The following LTN1 variants were observed in gnomAD, a reference collection of about 807,000 sequenced individuals.
LTN1 encodes listerin E3 ubiquitin protein ligase 1.
In LTN1, 88 loss-of-function variants were observed where a neutral mutation model predicts 201.2. The ratio of observed to expected loss-of-function variants is 0.44; its 90% CI spans 0.37 to 0.52. The LOEUF is 0.52. Among genes scored for constraint, LTN1 ranks in the 20% least tolerant of loss-of-function variants. The pLI, the probability that LTN1 is intolerant of heterozygous loss-of-function variation, is 0.00. For missense variants in LTN1, 1,752 were observed against 2,038.7 expected (o/e 0.86, Z 2.71); for synonymous variants, 645 against 713.5 (o/e 0.90, Z 1.53).
chr21:28,958,256 A>T lies in LTN1; in HGVS notation c.2747+130T>A, dbSNP rs1199434316. On this transcript the variant is annotated intron_variant, in intron 14 of 29. Coordinates refer to ENST00000361371, the MANE Select transcript of LTN1 (RefSeq NM_015565.3). ...CTGATCCTCCCACCTCAGCCTACTG[A>T]GTAGCTGGGATTATAGGGACGAGCC... 1.1e-5 allele frequency: 9 copies of T among 804,654 alleles called. No individual in the cohort carries two copies. In the East Asian group the frequency reaches 2.6e-4, roughly 23 times the overall value. The allele number at this position is 804,654 out of a possible 1,614,324, so 49.8% of individuals were successfully genotyped here.
chr21:28,967,507 C>A (rs1287382556), intron 9 of LTN1: 2 of 201,382 alleles, frequency 9.9e-6, no homozygotes, highest in East Asian at 1.2e-4. Context: ...AGACAGCATT[C>A]AGGGAGCTTT....
At chr21:28,981,769 A>G (rs1231272913) in intron 5 of LTN1, among the ~76,000 whole-genome samples, 1 of 152,266 alleles carries the variant, frequency 6.6e-6, no homozygotes. Context: ...AAACATATAA[A>G]AACATCTCTT....
chr21:28,944,267 C>T, intron 22 of LTN1, 116 bp downstream of exon 22: 3 of 762,842 alleles, frequency 3.9e-6, no homozygotes, highest in Non-Finnish European at 6.5e-6. Context: ...TCTCTTCTGG[C>T]TTTTTCTTTT....
intron 25 of LTN1, among the ~76,000 whole-genome samples, chr21:28,938,326 T>C (rs1173730710): frequency 6.6e-6 from 1 of 152,074 alleles, no homozygotes; most frequent in Non-Finnish European, 1.5e-5. Context: ...TATCTGCAAC[T>C]TACTTTCAAG....
intron 12 of LTN1, among the ~76,000 whole-genome samples, 149 bp downstream of exon 12, chr21:28,960,361 AAAAAAAG>A (rs1238608430): frequency 3.3e-5 from 5 of 152,062 alleles, no homozygotes; most frequent in African/African-American, 1.2e-4. Flanking sequence ...AGTCTCAAAA[AAAAAAAG>A]AAAAAAGAAA....
chr21:28,963,871 T>G (rs1447277125), intron 11 of LTN1, among the ~76,000 whole-genome samples: 1 of 152,094 alleles, frequency 6.6e-6, no homozygotes, highest in African/African-American at 2.4e-5. Context: ...ATGGATGACT[T>G]TGAGAGGTTC....
Position 28,947,536 on chromosome 21 carries a change from T to C in LTN1, c.3415A>G (p.Lys1139Glu). 1 of 1,596,016 alleles carries C rather than the reference T, an allele frequency of 6.3e-7. No homozygotes were observed. The highest frequency in any genetic ancestry group is 1.1e-5 in the South Asian group (1 of 86,980). The change falls in exon 19 of 30, where the codon AAG becomes GAG. Residue 1139 changes from lysine to glutamate, a missense_variant. By Grantham distance (56) the Lys-to-Glu change is moderately conservative (BLOSUM62 1). This residue lies in a region of LTN1 where 1,211 missense variants were observed against 1,312.8 expected (regional missense o/e 0.92). Coordinates refer to ENST00000361371, the MANE Select transcript of LTN1 (RefSeq NM_015565.3). ...ATACATTGAGCACTAAATTCTTTCT[T>C]TTCTTCTTTTGACAAAAATGGACAT... ...SLCPFLSKEE[K>E]KEFSAQCIPA...
At chr21:28,987,926 G>A (rs1034968271) in intron 1 of LTN1, among the ~76,000 whole-genome samples, 25 of 150,720 alleles carry the variant, frequency 1.7e-4, no homozygotes, top group African/African-American at 6.1e-4. Context: ...GGCAGATCAC[G>A]AGGTCAGGAG....
At chr21:28,978,580 T>C (rs545448407) in intron 6 of LTN1, among the ~76,000 whole-genome samples, 1 of 152,322 alleles carries the variant, frequency 6.6e-6, no homozygotes, top group Admixed American at 6.5e-5. Flanking sequence ...AATATCTTTA[T>C]GACTTAAAGG....
chr21:28,931,361 A>T, intron 28 of LTN1, 39 bp from the exon 29 acceptor site: 2 of 1,177,500 alleles, frequency 1.7e-6, no homozygotes, highest in Non-Finnish European at 2.4e-6. Flanking sequence ...ACACACTGAT[A>T]ACCACCAATT....
At chr21:28,960,823 C>G (rs1333505523) in intron 11 of LTN1, 117 bp from the exon 12 acceptor site, 1 of 633,302 alleles carries the variant, frequency 1.6e-6, no homozygotes, top group East Asian at 2.9e-5. Context: ...TTCTATCCCC[C>G]CTCCTCCTCC....
At chr21:28,954,677 T>C (rs1026593256) in intron 16 of LTN1, among the ~76,000 whole-genome samples, 1 of 152,090 alleles carries the variant, frequency 6.6e-6, no homozygotes, top group Admixed American at 6.6e-5. Context: ...GCCAAGAACA[T>C]ATATTGGGGA....
At chr21:28,977,947 T>A (rs1339480615) in intron 6 of LTN1, among the ~76,000 whole-genome samples, 1 of 151,040 alleles carries the variant, frequency 6.6e-6, no homozygotes, top group Non-Finnish European at 1.5e-5. Flanking sequence ...AAAAGACATA[T>A]CATAATGTCA....
intron 11 of LTN1, among the ~76,000 whole-genome samples, chr21:28,964,412 G>A (rs905965719): frequency 6.6e-6 from 1 of 152,192 alleles, no homozygotes; most frequent in South Asian, 2.1e-4. Flanking sequence ...CATTAGCACT[G>A]TTTAGCAATA....
At chr21:28,944,295 G>A (rs1313087761) in intron 22 of LTN1, 88 bp downstream of exon 22, 2 of 972,574 alleles carry the variant, frequency 2.1e-6, no homozygotes, top group Non-Finnish European at 3.2e-6. Context: ...AGTATTATTT[G>A]ATTTAAACAT....
intron 13 of LTN1, 32 bp from the exon 14 acceptor site, chr21:28,958,571 T>A (rs1178669015): frequency 6.7e-7 from 1 of 1,503,228 alleles, no homozygotes; most frequent in Non-Finnish European, 9.1e-7. Context: ...GAATTTGTAA[T>A]CTCACTGAAT....
Position 28,992,844 on chromosome 21 carries a change from G to C in LTN1, c.-39C>G. 5 of 1,614,134 alleles carry C rather than the reference G, an allele frequency of 3.1e-6. No homozygotes were observed. The highest frequency in any genetic ancestry group is 4.2e-6 in the Non-Finnish European group (5 of 1,180,002). On this transcript the variant is annotated 5_prime_UTR_variant, in exon 1 of 30. Transcript: ENST00000361371. ...GCTGTACTCTGAGCACTCAGACCCC[G>C]GTTGACACGTCCGGGACACAACTTC...
chr21:28,946,108 G>T, intron 20 of LTN1, 44 bp downstream of exon 20: 1 of 1,528,738 alleles, frequency 6.5e-7, no homozygotes, highest in Non-Finnish European at 8.9e-7. Context: ...ATCTTTGTCT[G>T]AATTGTATAC....
At chr21:28,961,590 CT>C (rs1189308457) in intron 11 of LTN1, 3 of 155,472 alleles carry the variant, frequency 1.9e-5, no homozygotes, top group African/African-American at 7.2e-5. Flanking sequence ...AAACTTTATC[CT>C]TTTATTTAAA....
Sources: gnomAD v4.1 joint callset for allele counts (sites outside exome capture counted in the v4.1 genomes callset) on GRCh38, gnomAD v4.1.1 for gene constraint, gnomAD v4.1.1 regional missense constraint, MANE v1.5 for transcripts, NCBI Gene and HGNC (gene_info 2026-07-23, HGNC 2026-07-21) for gene names.